MEGF8: variants seen among roughly 807,000 people sequenced by gnomAD.
The protein encoded by MEGF8 is multiple epidermal growth factor-like domains protein 8.
MEGF8 carries 156 observed loss-of-function variants against 302.9 expected under a neutral mutation model. The observed-to-expected ratio is 0.52, with a 90% confidence interval of 0.45 to 0.59. The LOEUF is 0.59. Ranked by LOEUF, MEGF8 falls within the 20% of genes least tolerant of loss-of-function variation. The pLI, the probability that MEGF8 is intolerant of heterozygous loss-of-function variation, is 0.00. For synonymous variants in MEGF8, 1,621 were observed against 1,660.5 expected, an observed-to-expected ratio of 0.98 and a Z score of 0.58; for missense variants, 3,345 against 3,964.5, an observed-to-expected ratio of 0.84 and a Z score of 4.20.
Position 42,336,259 on chromosome 19 carries a change from C to T in MEGF8, c.1157C>T (p.Pro386Leu), listed in dbSNP as rs1425224452. Residue 386 changes from proline to leucine, a missense_variant, in exon 6 of 42, where the codon CCC becomes CTC. By Grantham distance (98) the Pro-to-Leu change is moderately conservative (BLOSUM62 -3). Transcript: ENST00000251268. This position sits in a 1 kb window ranked among gnomAD's most constrained non-coding sequence, Gnocchi z 4.8. ...CAGGTGATTCCGGCAGGCGGACGGC[C>T]CCCTGCTGCCACTGGCCACTCCATG... ...WEQVIPAGGR[P>L]PAATGHSMVF... The T allele has an allele frequency of 1.9e-6, 3 of 1,606,972 alleles. No individual in the cohort carries two copies. Among genetic ancestry groups the T allele is most frequent in the African/African-American group, 2.7e-5 (2 of 74,924 alleles).
Position 42,354,659 on chromosome 19 carries a change from C to A in MEGF8, c.4083C>A (p.Ser1361Arg), listed in dbSNP as rs1266478937. ...CTGGTGTTGTCCAGTCGGACCGCAGCCTCATAGCTGCCTTCTGCGGCCAGC... is the reference window on the plus strand; with the variant it reads ...CTGGTGTTGTCCAGTCGGACCGCAGACTCATAGCTGCCTTCTGCGGCCAGC... Reference protein sequence around the residue: ...LDTGVVQSDRSLIAAFCGQRR... With the variant: ...LDTGVVQSDRRLIAAFCGQRR... The change falls in exon 23 of 42, where the codon AGC becomes AGA. Residue 1361 changes from serine to arginine, a missense_variant. Transcript: ENST00000251268. This position sits in a 1 kb window ranked among gnomAD's most constrained non-coding sequence, Gnocchi z 4.3. 6.8e-6 allele frequency: 11 copies of A among 1,612,388 alleles called. No homozygotes were observed. Among genetic ancestry groups the A allele is most frequent in the South Asian group, 1.1e-5 (1 of 91,082 alleles).
chr19:42,336,850 C>T lies in MEGF8; in HGVS notation c.1288C>T (p.Arg430Trp), dbSNP rs765321277. 35 of 1,608,886 alleles carry T rather than the reference C, an allele frequency of 2.2e-5. No individual in the cohort carries two copies. Among genetic ancestry groups the T allele is most frequent in the South Asian group, 6.6e-5 (6 of 90,838 alleles). The change falls in exon 7 of 42, where the codon CGG (arginine) becomes TGG (tryptophan). Residue 430 changes from arginine to tryptophan, a missense_variant. Physicochemically the swap from Arg to Trp is moderately radical, Grantham distance 101. Coordinates refer to ENST00000251268, the MANE Select transcript of MEGF8 (RefSeq NM_001271938.2). The surrounding 1 kb of genome is among the most constrained non-coding windows in gnomAD (Gnocchi z 4.8). The part of the protein sequence containing the change: ...VNSTELFHVD[R>W]HVWTTLKGRD... ...CTCCACTGAGCTTTTCCACGTGGAT[C>T]GGCATGTGTGGACGACGCTGAAGGG...
intron 39 of MEGF8, 33 bp downstream of exon 39, chr19:42,370,392 G>A (rs1191765847): frequency 6.5e-7 from 1 of 1,530,050 alleles, no homozygotes; most frequent in Admixed American, 2.0e-5. Context: ...CTGGGTCTGA[G>A]GGAGGAGGGG....
Position 42,354,117 on chromosome 19 carries a change from TG to T in MEGF8, c.4011+94del. 7.2e-7 allele frequency: 1 copy of T among 1,382,854 alleles called. No homozygotes were observed. The highest frequency in any genetic ancestry group is 1.5e-5 in the African/African-American group (1 of 66,434). The allele number at this position is 1,382,854 out of a possible 1,614,324, so 85.7% of individuals were successfully genotyped here. A position where few individuals can be genotyped will look rare whatever the true frequency, so the allele number is the denominator to read the frequency against. On this transcript the variant is annotated intron_variant, in intron 22 of 41. Coordinates refer to ENST00000251268, the MANE Select transcript of MEGF8 (RefSeq NM_001271938.2). This position sits in a 1 kb window ranked among gnomAD's most constrained non-coding sequence, Gnocchi z 4.3. ...CCTCAGACCCTGACCCTAGTATTGC[TG>T]TTTTTTTTTTTTTGTTTTTTTAATC...
In MEGF8 at chr19:42,350,144, C is replaced by T; in HGVS notation, c.2500-4C>T. The T allele has an allele frequency of 6.2e-7, 1 of 1,606,782 alleles. No individual in the cohort carries two copies. The highest frequency in any genetic ancestry group is 1.7e-5 in the Admixed American group (1 of 59,760). ...CTGCTGCCTTCCTGTGACCCCTTCCCCAGGAGATCTCCTTCTTCTTCCTGG... is the reference window on the plus strand; with the variant it reads ...CTGCTGCCTTCCTGTGACCCCTTCCTCAGGAGATCTCCTTCTTCTTCCTGG... On this transcript the variant is annotated splice_polypyrimidine_tract_variant and splice_region_variant and intron_variant, in intron 14 of 41. Transcript: ENST00000251268.
chr19:42,376,068 C>T lies in MEGF8; in HGVS notation c.7831C>T (p.Arg2611Cys), dbSNP rs773724721. The T allele has an allele frequency of 5.6e-6, 9 of 1,604,948 alleles. No individual in the cohort carries two copies. Among genetic ancestry groups the T allele is most frequent in the East Asian group, 4.5e-5 (2 of 44,842 alleles). ...PHEHHALKSS[R>C]FYLLLLGVGD... ...CGAGCACCATGCCCTCAAGTCGAGC[C>T]GCTTCTACCTGCTGCTGCTGGGCGT... The change falls in exon 42 of 42, where the codon CGC (arginine) becomes TGC (cysteine). Residue 2611 changes from arginine (R) to cysteine (C), a missense_variant. Coordinates refer to ENST00000251268, the MANE Select transcript of MEGF8 (RefSeq NM_001271938.2). The surrounding 1 kb of genome is among the most constrained non-coding windows in gnomAD (Gnocchi z 8.2).
chr19:42,335,724 C>T (rs1285870787), intron 5 of MEGF8, among the ~76,000 whole-genome samples: 1 of 152,116 alleles, frequency 6.6e-6, no homozygotes, highest in Admixed American at 6.6e-5. Context: ...AACTCTGTCT[C>T]CTTGCCTTTT....
In MEGF8 at chr19:42,376,027, T is replaced by C; in HGVS notation, c.7790T>C (p.Val2597Ala). ...GTCCGCGGCGTGCGGGACCGGCTGGTCATCACCTACCCACACGAGCACCAT... is the reference window on the plus strand; with the variant it reads ...GTCCGCGGCGTGCGGGACCGGCTGGCCATCACCTACCCACACGAGCACCAT... ...LVVRGVRDRLVITYPHEHHAL... is the reference protein window; with the variant it reads ...LVVRGVRDRLAITYPHEHHAL... Residue 2597 changes from valine (V) to alanine (A), a missense_variant, in exon 42 of 42, where the codon GTC becomes GCC. Physicochemically the swap from Val to Ala is moderately conservative, Grantham distance 64 (BLOSUM62 0). Coordinates refer to ENST00000251268, the MANE Select transcript of MEGF8 (RefSeq NM_001271938.2). This position sits in a 1 kb window ranked among gnomAD's most constrained non-coding sequence, Gnocchi z 8.2. The C allele has an allele frequency of 6.2e-7, 1 of 1,600,798 alleles. No homozygotes were observed. The highest frequency in any genetic ancestry group is 8.5e-7 in the Non-Finnish European group (1 of 1,176,472).
In MEGF8 at chr19:42,358,011, G is replaced by T; in HGVS notation, c.5012-133G>T. The T allele has an allele frequency of 2.4e-6, 2 of 851,032 alleles. No individual in the cohort carries two copies. Among genetic ancestry groups the T allele is most frequent in the Admixed American group, 6.9e-5 (2 of 28,874 alleles). The allele number at this position is 851,032 out of a possible 1,614,324, so 52.7% of individuals were successfully genotyped here. A position where few individuals can be genotyped will look rare whatever the true frequency, so the allele number is the denominator to read the frequency against. On this transcript the variant is annotated intron_variant, in intron 28 of 41. Transcript: ENST00000251268. This position sits in a 1 kb window ranked among gnomAD's most constrained non-coding sequence, Gnocchi z 4.4. ...ATTTGAACCCAACTGAGAGGGACGG[G>T]TGGAGAGGGGCTCCCAGGCCTCCAG...
chr19:42,353,900 G>A lies in MEGF8; in HGVS notation c.3887G>A (p.Gly1296Glu), dbSNP rs367923884. Residue 1296 changes from glycine to glutamate, a missense_variant, in exon 22 of 42, where the codon GGG (glycine) becomes GAG (glutamate). Physicochemically the swap from Gly to Glu is moderately conservative, Grantham distance 98. Transcript: ENST00000251268. This position sits in a 1 kb window ranked among gnomAD's most constrained non-coding sequence, Gnocchi z 6.1. ...CCAGGTGGCGGGGCTGCAAGAGCCG[G>A]GCCTGGCCTGTCCTACTGTGTGTGG... ...LPPGGGAARAGPGLSYCVWVV... is the reference protein window; with the variant it reads ...LPPGGGAARAEPGLSYCVWVV... 3.3e-5 allele frequency: 53 copies of A among 1,592,954 alleles called. No homozygotes were observed. The highest frequency in any genetic ancestry group is 6.0e-6 in the Non-Finnish European group (7 of 1,170,062).
At chr19:42,334,722 C>T (rs564167456) in intron 3 of MEGF8, among the ~76,000 whole-genome samples, 4 of 152,304 alleles carry the variant, frequency 2.6e-5, no homozygotes, top group African/African-American at 9.6e-5. Flanking sequence ...TCTGTCTTTT[C>T]TCCTTTTTCT....
At chr19:42,374,625 C>G (rs1410628774) in intron 41 of MEGF8, among the ~76,000 whole-genome samples, 2 of 152,152 alleles carry the variant, frequency 1.3e-5, no homozygotes, top group African/African-American at 4.8e-5. Context: ...ATTCATTCAG[C>G]ACACAGTCAT....
In MEGF8 at chr19:42,336,970, T is replaced by TCCTG. The variant is rs760080459; in HGVS notation, c.1390+32_1390+35dup. On this transcript the variant is annotated intron_variant, in intron 7 of 41. Coordinates refer to ENST00000251268, the MANE Select transcript of MEGF8 (RefSeq NM_001271938.2). The surrounding 1 kb of genome is among the most constrained non-coding windows in gnomAD (Gnocchi z 4.8). ...GGTCTATGGTGAGGAGGCTCCCCAA[T>TCCTG]CCTGCCTGCCTGCCTGCTGAGGGCC... The TCCTG allele has an allele frequency of 5.0e-6, 8 of 1,613,494 alleles. No homozygotes were observed. The highest frequency in any genetic ancestry group is 2.7e-5 in the African/African-American group (2 of 74,914).
Position 42,351,754 on chromosome 19 carries a change from C to G in MEGF8, c.3094C>G (p.Leu1032Val), listed in dbSNP as rs753410940. 1.3e-6 allele frequency: 2 copies of G among 1,576,136 alleles called. No homozygotes were observed. Among genetic ancestry groups the G allele is most frequent in the Non-Finnish European group, 1.7e-6 (2 of 1,161,804 alleles). Reference sequence around the variant, plus strand: ...GTGTGGCAATGAGGACAACCCCACACTGGGACGGTGAGCCCGGGCAGGTGG... The same window carrying G: ...GTGTGGCAATGAGGACAACCCCACAGTGGGACGGTGAGCCCGGGCAGGTGG... ...GWCGNEDNPT[L>V]GRCLQGDFSG... The change falls in exon 18 of 42, where the codon CTG becomes GTG. Residue 1032 changes from leucine to valine, a missense_variant. By Grantham distance (32) the Leu-to-Val change is conservative. Transcript: ENST00000251268. This position sits in a 1 kb window ranked among gnomAD's most constrained non-coding sequence, Gnocchi z 5.6.
Position 42,353,410 on chromosome 19 carries a change from T to A in MEGF8, c.3551-55T>A. The A allele has an allele frequency of 6.4e-7, 1 of 1,571,102 alleles. No individual in the cohort carries two copies. Among genetic ancestry groups the A allele is most frequent in the Non-Finnish European group, 8.6e-7 (1 of 1,156,968 alleles). On this transcript the variant is annotated intron_variant, in intron 20 of 41. Coordinates refer to ENST00000251268, the MANE Select transcript of MEGF8 (RefSeq NM_001271938.2). This position sits in a 1 kb window ranked among gnomAD's most constrained non-coding sequence, Gnocchi z 6.1. ...CAGGGTTTAGCTGAGCCAGTAGGCC[T>A]GGGCCTGTTTCCACCCTTGACTTGA...
chr19:42,376,145 G>T lies in MEGF8; in HGVS notation c.7908G>T (p.Leu2636=), dbSNP rs749822553. The T allele has an allele frequency of 6.2e-7, 1 of 1,609,720 alleles. No individual in the cohort carries two copies. The highest frequency in any genetic ancestry group is 8.5e-7 in the Non-Finnish European group (1 of 1,179,752). Residue 2636 remains leucine (L), a synonymous_variant, in exon 42 of 42, where the codon CTG becomes CTT. Coordinates refer to ENST00000251268, the MANE Select transcript of MEGF8 (RefSeq NM_001271938.2). This position sits in a 1 kb window ranked among gnomAD's most constrained non-coding sequence, Gnocchi z 8.2. ...ACGGCTCAGCCGACTCGCAGGGCCT[G>T]CTCTTCTTCCGGCAGGACCAGGCCC... The part of the protein sequence containing the change: ...GANGSADSQG[L]LFFRQDQAHI...
chr19:42,348,495 G>T, intron 13 of MEGF8, 23 bp downstream of exon 13: 1 of 1,497,050 alleles, frequency 6.7e-7, no homozygotes, highest in Non-Finnish European at 8.9e-7. Flanking sequence ...GGGACATTCA[G>T]GGGGTTGTTT....
At chr19:42,350,753 G>A (rs1352938054) in intron 15 of MEGF8, among the ~76,000 whole-genome samples, 2 of 152,160 alleles carry the variant, frequency 1.3e-5, no homozygotes, top group African/African-American at 2.4e-5. Context: ...GAGTGGCAAG[G>A]GAGCCGTTAA....
At chr19:42,326,687 C>G (rs1350721303) in intron 1 of MEGF8, among the ~76,000 whole-genome samples, 3 of 151,458 alleles carry the variant, frequency 2.0e-5, no homozygotes, top group Non-Finnish European at 2.9e-5. Context: ...CTGTTAAGAA[C>G]TCAGGGTCTG....
Sources: gnomAD v4.1 joint callset for allele counts (sites outside exome capture counted in the v4.1 genomes callset) on GRCh38, gnomAD v4.1.1 for gene constraint, Gnocchi (gnomAD v3.1) non-coding constraint, MANE v1.5 for transcripts, NCBI Gene and HGNC (gene_info 2026-07-23, HGNC 2026-07-21) for gene names.